Variants in FSHR observed in about 807,000 individuals in gnomAD.
The protein encoded by FSHR is follicle-stimulating hormone receptor.
Under a neutral mutation model 52.1 loss-of-function variants are expected in FSHR, and 46 were observed. That is an observed-to-expected ratio of 0.88 (90% confidence interval 0.70 to 1.13). FSHR has a LOEUF of 1.13. FSHR is among the 50% of genes most tolerant of loss of function. The pLI is 0.00. For synonymous variants in FSHR, 399 were observed against 309.6 expected (o/e 1.29, Z -3.03); for missense variants, 964 against 834.6 (o/e 1.16, Z -1.91).
At chr2:48,999,416 T>G (rs1676160216) in intron 4 of FSHR, among the ~76,000 whole-genome samples, 1 of 151,996 alleles carries the variant, frequency 6.6e-6, no homozygotes, top group African/African-American at 2.4e-5. Context: ...AATGTAAAAT[T>G]TGGGTGCTTA....
chr2:48,967,684 A>T (rs1474729748), intron 9 of FSHR, among the ~76,000 whole-genome samples: 1 of 152,148 alleles, frequency 6.6e-6, no homozygotes, highest in Non-Finnish European at 1.5e-5. Flanking sequence ...CTGAGTAGGG[A>T]CTTCCAGCTA....
chr2:49,078,667 G>A (rs1670045150), intron 1 of FSHR, among the ~76,000 whole-genome samples: 1 of 151,962 alleles, frequency 6.6e-6, no homozygotes, highest in Non-Finnish European at 1.5e-5. Flanking sequence ...CATAGAAAAT[G>A]TATTTGATAA....
At chr2:49,075,000 C>A (rs181186593) in intron 1 of FSHR, among the ~76,000 whole-genome samples, 3 of 151,678 alleles carry the variant, frequency 2.0e-5, no homozygotes, top group East Asian at 1.9e-4. Flanking sequence ...ATCTCATAGA[C>A]GTAAAAAGTA....
chr2:49,146,401 G>T (rs535498266), intron 1 of FSHR, among the ~76,000 whole-genome samples: 2 of 152,166 alleles, frequency 1.3e-5, no homozygotes, highest in Non-Finnish European at 2.9e-5. Context: ...GAGGGATGCA[G>T]TGCTCAGAGA....
intron 6 of FSHR, among the ~76,000 whole-genome samples, 170 bp downstream of exon 6, chr2:48,988,807 C>T (rs1675632999): frequency 6.6e-6 from 1 of 152,220 alleles, no homozygotes; most frequent in African/African-American, 2.4e-5. Context: ...CATGACTCCA[C>T]ATTGTGATTC....
chr2:49,043,310 G>T (rs1341806237), intron 2 of FSHR, among the ~76,000 whole-genome samples: 1 of 152,106 alleles, frequency 6.6e-6, no homozygotes, highest in Admixed American at 6.5e-5. Context: ...TGGGGTAGTG[G>T]TGTGCACATT....
Position 49,008,380 on chromosome 2 carries a change from C to T in FSHR, c.374+9109G>A, listed in dbSNP as rs867393037. ...CTCATCATTTTTTATGGCTGCATAG[C>T]ATTCCATGGTGTATATGTGCCACAT... On this transcript the variant is annotated intron_variant, in intron 4 of 9. Coordinates refer to ENST00000406846, the MANE Select transcript of FSHR (RefSeq NM_000145.4). Among the ~76,000 whole-genome samples the T allele has an allele frequency of 7.6e-3, 1,121 of 146,568 alleles. 5 individuals carry two copies. The highest frequency in any genetic ancestry group is 0.032 in the Middle Eastern group (9 of 284).
chr2:49,110,099 T>C (rs1419977220), intron 1 of FSHR, among the ~76,000 whole-genome samples: 2 of 152,180 alleles, frequency 1.3e-5, no homozygotes, highest in African/African-American at 4.8e-5. Flanking sequence ...CTCATGTTTT[T>C]ATGTTGCTTA....
At chr2:49,107,564 A>G (rs1671274269) in intron 1 of FSHR, among the ~76,000 whole-genome samples, 1 of 152,172 alleles carries the variant, frequency 6.6e-6, no homozygotes, top group African/African-American at 2.4e-5. Flanking sequence ...GGTAAAGAGA[A>G]ACAATTTGGT....
chr2:49,076,844 A>T (rs1348601124), intron 1 of FSHR, among the ~76,000 whole-genome samples: 1 of 152,218 alleles, frequency 6.6e-6, no homozygotes, highest in East Asian at 1.9e-4. Context: ...CCAGTGGGAC[A>T]GTCAAATCTT....
chr2:49,103,733 A>C (rs944087512), intron 1 of FSHR, among the ~76,000 whole-genome samples: 2 of 152,162 alleles, frequency 1.3e-5, no homozygotes, highest in Non-Finnish European at 2.9e-5. Context: ...TCTTGGCCTT[A>C]CTGGAATAAC....
At chr2:48,971,100 G>A (rs1250607360) in intron 8 of FSHR, among the ~76,000 whole-genome samples, 1 of 152,112 alleles carries the variant, frequency 6.6e-6, no homozygotes. Flanking sequence ...ACTCCCCATT[G>A]CTCTTAGGAT....
At chr2:49,091,016 CT>C (rs1481967687) in intron 1 of FSHR, among the ~76,000 whole-genome samples, 1 of 151,222 alleles carries the variant, frequency 6.6e-6, no homozygotes, top group African/African-American at 2.4e-5. Context: ...GATAGAAGTC[CT>C]TTTTTAGACA....
chr2:48,977,974 G>A (rs965357878), intron 8 of FSHR, among the ~76,000 whole-genome samples: 1 of 152,134 alleles, frequency 6.6e-6, no homozygotes, highest in African/African-American at 2.4e-5. Flanking sequence ...TTTTAACGTT[G>A]CAACACATGC....
chr2:49,085,004 C>T (rs1349641084), intron 1 of FSHR, among the ~76,000 whole-genome samples: 2 of 152,076 alleles, frequency 1.3e-5, no homozygotes, highest in East Asian at 3.9e-4. Flanking sequence ...ATGAGGCCAG[C>T]ATCATCCTGA....
intron 2 of FSHR, among the ~76,000 whole-genome samples, chr2:49,050,453 T>A (rs933905950): frequency 3.3e-5 from 5 of 152,180 alleles, no homozygotes; most frequent in Admixed American, 3.3e-4. Flanking sequence ...TCTCCTCTGA[T>A]AATAAATGTC....
intron 2 of FSHR, among the ~76,000 whole-genome samples, chr2:49,042,891 C>A (rs1668526546): frequency 6.6e-6 from 1 of 152,134 alleles, no homozygotes; most frequent in Non-Finnish European, 1.5e-5. Context: ...TAGTGTATGT[C>A]ACCCATAAAC....
chr2:49,001,087 G>A (rs1573074284), intron 4 of FSHR, among the ~76,000 whole-genome samples: 1 of 152,174 alleles, frequency 6.6e-6, no homozygotes, highest in East Asian at 1.9e-4. Context: ...GATAAGAGAG[G>A]CAAGGCTTAC....
At chr2:49,053,866 C>T (rs906654413) in intron 2 of FSHR, among the ~76,000 whole-genome samples, 2 of 152,256 alleles carry the variant, frequency 1.3e-5, no homozygotes, top group South Asian at 4.1e-4. Context: ...CATGTTGTTT[C>T]AGATACTGAG....
Sources: gnomAD v4.1 joint callset for allele counts (sites outside exome capture counted in the v4.1 genomes callset) on GRCh38, gnomAD v4.1.1 for gene constraint, MANE v1.5 for transcripts, NCBI Gene and HGNC (gene_info 2026-07-23, HGNC 2026-07-21) for gene names.